The following ACAP2 variants were observed in gnomAD, a reference collection of about 807,000 sequenced individuals.
The protein encoded by ACAP2 is arf-GAP with coiled-coil, ANK repeat and PH domain-containing protein 2.
In ACAP2, 39 loss-of-function variants were observed where a neutral mutation model predicts 115.8. The observed-to-expected ratio is 0.34, with a 90% CI of 0.26 to 0.44. ACAP2 has a LOEUF of 0.44. ACAP2 is among the 20% of genes least tolerant of loss of function. The pLI, the probability that ACAP2 is intolerant of heterozygous loss-of-function variation, is 1.00. For missense variants in ACAP2, 662 were observed against 927.6 expected, an observed-to-expected ratio of 0.71 and a Z score of 3.72; for synonymous variants, 289 against 315.8, an observed-to-expected ratio of 0.92 and a Z score of 0.90.
chr3:195,360,281 A>G (rs1454010994), intron 4 of ACAP2, among the ~76,000 whole-genome samples: 1 of 152,230 alleles, frequency 6.6e-6, no homozygotes, highest in Non-Finnish European at 1.5e-5. Flanking sequence ...GAGACAAAGA[A>G]GGTCATTATA....
At chr3:195,382,066 C>T in intron 2 of ACAP2, 44 bp from the exon 3 acceptor site, 1 of 1,572,882 alleles carries the variant, frequency 6.4e-7, no homozygotes, top group Non-Finnish European at 8.6e-7. Flanking sequence ...GATAGTTTTA[C>T]AAATTACTTA....
Position 195,401,891 on chromosome 3 carries a change from G to A in ACAP2, c.54-9744C>T, listed in dbSNP as rs1712336501. Among the ~76,000 whole-genome samples the A allele has an allele frequency of 7.2e-5, 11 of 152,242 alleles. No individual in the cohort carries two copies. The South Asian group carries it at 2.3e-3, about 32-fold the overall frequency. On this transcript the variant is annotated intron_variant, in intron 1 of 22. Coordinates refer to ENST00000326793, the MANE Select transcript of ACAP2 (RefSeq NM_012287.6). ...CCAGAAATTTGACAAGATCTGTAAA[G>A]AGGAAGCTGAATACAAATTTAAGAG...
intron 4 of ACAP2, among the ~76,000 whole-genome samples, chr3:195,351,136 G>GA (rs201758831): frequency 2.0e-5 from 2 of 98,432 alleles, no homozygotes; most frequent in South Asian, 1.1e-3. Context: ...TTTTGGGCGG[G>GA]GGACAGGGTC....
At chr3:195,327,014 T>C in intron 8 of ACAP2, 55 bp from the exon 9 acceptor site, 1 of 1,445,146 alleles carries the variant, frequency 6.9e-7, no homozygotes, top group South Asian at 1.2e-5. Context: ...GGATTAGTTT[T>C]TCAAACCATA....
chr3:195,392,405 C>T (rs934388180), intron 1 of ACAP2, among the ~76,000 whole-genome samples: 23 of 152,160 alleles, frequency 1.5e-4, no homozygotes, highest in Non-Finnish European at 2.6e-4. Context: ...CAATTAATAA[C>T]ACAAAATACA....
At chr3:195,426,169 G>A (rs111436511) in intron 1 of ACAP2, among the ~76,000 whole-genome samples, 303 of 151,856 alleles carry the variant, frequency 2.0e-3, no homozygotes, top group African/African-American at 6.8e-3. Context: ...CAACCCTATC[G>A]GCCTTCCTTC....
intron 7 of ACAP2, 93 bp from the exon 8 acceptor site, chr3:195,333,216 G>A: frequency 1.6e-6 from 1 of 607,570 alleles, no homozygotes; most frequent in Non-Finnish European, 2.5e-6. Context: ...ATAAAAGACA[G>A]GGTCTTGCTC....
At chr3:195,310,362 G>C (rs926007236) in intron 10 of ACAP2, among the ~76,000 whole-genome samples, 11 of 152,110 alleles carry the variant, frequency 7.2e-5, no homozygotes, top group African/African-American at 2.7e-4. Context: ...AAGAACTTCT[G>C]GGTTTCTTTA....
chr3:195,346,295 A>G (rs1731183286), intron 4 of ACAP2, among the ~76,000 whole-genome samples: 1 of 152,216 alleles, frequency 6.6e-6, no homozygotes, highest in Non-Finnish European at 1.5e-5. Context: ...GAAAATAGAA[A>G]GTTAATAGAG....
intron 12 of ACAP2, chr3:195,306,994 G>T: frequency 2.5e-6 from 1 of 395,236 alleles, no homozygotes. Context: ...ACTTTCATAT[G>T]AGCCCATAAA....
intron 4 of ACAP2, among the ~76,000 whole-genome samples, chr3:195,378,274 CA>C (rs1733701897): frequency 6.6e-6 from 1 of 152,082 alleles, no homozygotes; most frequent in Admixed American, 6.6e-5. Context: ...AGGCGGATCA[CA>C]AGGTCAAGAG....
At chr3:195,405,189 G>A (rs970105964) in intron 1 of ACAP2, among the ~76,000 whole-genome samples, 2 of 152,076 alleles carry the variant, frequency 1.3e-5, no homozygotes, top group Non-Finnish European at 2.9e-5. Context: ...CGGACAGATC[G>A]AGATCTGTGC....
intron 1 of ACAP2, among the ~76,000 whole-genome samples, chr3:195,397,993 CACTTCTAGGCGTGCAAAAGGCTT>C (rs1305897079): frequency 1.3e-5 from 2 of 152,276 alleles, no homozygotes; most frequent in African/African-American, 4.8e-5. Context: ...TAAGAGAAAA[CACTTCTAGGCGTGCAAAAGGCTT>C]ACTGGAAGAG....
chr3:195,397,867 A>G (rs554455220), intron 1 of ACAP2, among the ~76,000 whole-genome samples: 1 of 152,358 alleles, frequency 6.6e-6, no homozygotes, highest in African/African-American at 2.4e-5. Context: ...CTGAGAAGAA[A>G]GCAGTAATAA....
intron 9 of ACAP2, among the ~76,000 whole-genome samples, chr3:195,322,053 T>C (rs1213208153): frequency 6.6e-6 from 1 of 152,262 alleles, no homozygotes; most frequent in Non-Finnish European, 1.5e-5. Context: ...AAATCACTCA[T>C]AGTCTTCTTC....
chr3:195,356,181 C>CGCT (rs748282594), intron 4 of ACAP2: 24 of 455,876 alleles, frequency 5.3e-5, no homozygotes, highest in South Asian at 3.7e-4. Context: ...GAAGAATCTG[C>CGCT]GCTGCACACG....
intron 12 of ACAP2, chr3:195,306,864 AAAC>A: frequency 9.8e-6 from 3 of 305,900 alleles, no homozygotes; most frequent in East Asian, 7.8e-5. Context: ...AAAAAAAAAA[AAAC>A]CACTTAAATT....
intron 4 of ACAP2, among the ~76,000 whole-genome samples, chr3:195,351,136 G>GGC (rs1560275104): frequency 3.0e-5 from 3 of 98,428 alleles, no homozygotes; most frequent in African/African-American, 8.9e-5. Flanking sequence ...TTTTGGGCGG[G>GGC]GGACAGGGTC....
intron 10 of ACAP2, among the ~76,000 whole-genome samples, chr3:195,314,087 T>C (rs1185066067): frequency 6.6e-6 from 1 of 152,186 alleles, no homozygotes; most frequent in Non-Finnish European, 1.5e-5. Context: ...TTCCAGATTT[T>C]GGAATGACCT....
Sources: gnomAD v4.1 joint callset for allele counts (sites outside exome capture counted in the v4.1 genomes callset) on GRCh38, gnomAD v4.1.1 for gene constraint, MANE v1.5 for transcripts, NCBI Gene and HGNC (gene_info 2026-07-23, HGNC 2026-07-21) for gene names.